The following MAF variants were observed in gnomAD, a reference collection of about 807,000 sequenced individuals.
The protein encoded by MAF is MAF bZIP transcription factor.
A neutral mutation model predicts 22.0 loss-of-function variants in MAF; 10 were observed. The observed-to-expected ratio is 0.45, with a 90% CI of 0.28 to 0.77. The LOEUF (loss-of-function observed/expected upper bound fraction) is 0.77. Ranked by LOEUF, MAF falls within the 30% of genes least tolerant of loss-of-function variation. The pLI is 0.12. For missense variants in MAF, 544 were observed against 548.4 expected (o/e 0.99, Z 0.08); for synonymous variants, 337 against 255.8 (o/e 1.32, Z -3.03).
chr16:79,364,580 G>A, the MAF span, among the ~76,000 whole-genome samples: 1 of 152,190 alleles, frequency 6.6e-6, no homozygotes, highest in South Asian at 2.1e-4. Flanking sequence ...CCCTGACAGA[G>A]CACACTGTTT....
At position 79,599,098 on chromosome 16, in the gene MAF, T is replaced by C. The variant is rs1270529044; in HGVS notation, c.805A>G (p.Met269Val). The change falls in exon 1 of 2, where the codon ATG (methionine) becomes GTG (valine). Residue 269 changes from methionine to valine, a missense_variant. This residue lies in a region of MAF where 342 missense variants were observed against 315.5 expected (regional missense o/e 1.08). Transcript: ENST00000326043. ...TGCCGGTTCAGCTCGCGCACAGACA[T>C]GGTCACCAGCTGCTCGTCGGAGAAG... ...DRFSDEQLVT[M>V]SVRELNRQLR... 3.1e-6 allele frequency: 5 copies of C among 1,606,294 alleles called. No homozygotes were observed. Among genetic ancestry groups the C allele is most frequent in the Non-Finnish European group, 4.2e-6 (5 of 1,179,114 alleles).
chr16:79,303,089 G>T, the MAF span, among the ~76,000 whole-genome samples: 14 of 151,752 alleles, frequency 9.2e-5, no homozygotes, highest in Non-Finnish European at 1.9e-4. Flanking sequence ...CGTGTAATCT[G>T]TGTGTGTGTG....
In MAF at chr16:79,588,104, G is replaced by A. The variant is rs191609191; in HGVS notation, c.1119-2163C>T. Among the ~76,000 whole-genome samples, 17 of 152,316 alleles carry A rather than the reference G, an allele frequency of 1.1e-4. 1 individual carries two copies. The highest frequency in any genetic ancestry group is 2.2e-4 in the Non-Finnish European group (15 of 68,028). On this transcript the variant is annotated intron_variant, in intron 1 of 1. Coordinates refer to the MAF transcript ENST00000569649. Reference sequence around the variant, plus strand: ...TGGATCTGTTTACCTAACAATTGAAGAGTTCTTTAAATAGTACAGGAGCAT... The same window carrying A: ...TGGATCTGTTTACCTAACAATTGAAAAGTTCTTTAAATAGTACAGGAGCAT...
At chr16:79,547,269 G>A in the MAF span, among the ~76,000 whole-genome samples, 3 of 151,000 alleles carry the variant, frequency 2.0e-5, no homozygotes, top group Admixed American at 6.6e-5. Context: ...ACACACTACT[G>A]TATCTACACA....
chr16:79,391,761 A>G, the MAF span, among the ~76,000 whole-genome samples: 1 of 152,144 alleles, frequency 6.6e-6, no homozygotes, highest in Non-Finnish European at 1.5e-5. Context: ...CTAATTGCCA[A>G]AGCGCATCAT....
the MAF span, among the ~76,000 whole-genome samples, chr16:79,453,028 T>C: frequency 6.6e-6 from 1 of 152,214 alleles, no homozygotes; most frequent in African/African-American, 2.4e-5. Context: ...GAGCTAGCTG[T>C]TGACAGATGG....
At chr16:79,567,629 G>A in the MAF span, among the ~76,000 whole-genome samples, 2 of 152,210 alleles carry the variant, frequency 1.3e-5, no homozygotes. Context: ...GGCTTCAGAA[G>A]GTGAAGCATG....
At chr16:79,373,446 G>C in the MAF span, among the ~76,000 whole-genome samples, 2 of 125,250 alleles carry the variant, frequency 1.6e-5, no homozygotes, top group Non-Finnish European at 3.1e-5. Context: ...GCAATGGAGT[G>C]ATCTCAGCTC....
the MAF span, among the ~76,000 whole-genome samples, chr16:79,565,202 G>A: frequency 5.1e-4 from 77 of 152,238 alleles, no homozygotes; most frequent in African/African-American, 1.7e-3. Context: ...CTGCAAGCTG[G>A]GTCTATGGGA....
the MAF span, among the ~76,000 whole-genome samples, chr16:79,273,949 C>T: frequency 3.5e-5 from 3 of 86,460 alleles, no homozygotes; most frequent in Non-Finnish European, 2.2e-5. Flanking sequence ...TCGTGTCTGC[C>T]TTTTTTTTTT....
At chr16:79,256,867 C>G in the MAF span, among the ~76,000 whole-genome samples, 1 of 152,092 alleles carries the variant, frequency 6.6e-6, no homozygotes, top group Non-Finnish European at 1.5e-5. Flanking sequence ...CGCACACAAA[C>G]ACACACACAA....
At chr16:79,277,688 T>C in the MAF span, among the ~76,000 whole-genome samples, 3 of 152,232 alleles carry the variant, frequency 2.0e-5, no homozygotes, top group African/African-American at 7.2e-5. Context: ...CCTTCCTCTC[T>C]ATGTGACCAG....
chr16:79,392,893 T>C, the MAF span, among the ~76,000 whole-genome samples: 16 of 152,344 alleles, frequency 1.1e-4, 1 homozygote, highest in East Asian at 2.5e-3. Context: ...TTTGGGGGTT[T>C]CTCTGCTTCC....
At chr16:79,288,142 G>C in the MAF span, among the ~76,000 whole-genome samples, 1 of 152,132 alleles carries the variant, frequency 6.6e-6, no homozygotes, top group Non-Finnish European at 1.5e-5. Context: ...GTGGACTCCA[G>C]GCTTCTTCAA....
the MAF span, among the ~76,000 whole-genome samples, chr16:79,330,777 C>T: frequency 5.3e-5 from 8 of 152,310 alleles, no homozygotes; most frequent in South Asian, 2.1e-4. Context: ...TTGCCCTCCT[C>T]GGTGTATAAG....
At chr16:79,284,128 C>T in the MAF span, among the ~76,000 whole-genome samples, 23 of 152,200 alleles carry the variant, frequency 1.5e-4, no homozygotes, top group African/African-American at 5.3e-4. Flanking sequence ...TATTAAGTGG[C>T]GATTTAGCAG....
the MAF span, among the ~76,000 whole-genome samples, chr16:79,398,037 A>G: frequency 6.6e-6 from 1 of 152,190 alleles, no homozygotes. Flanking sequence ...CTAGGCTAAT[A>G]TTAAGGTGGT....
At chr16:79,313,316 C>A in the MAF span, among the ~76,000 whole-genome samples, 1 of 152,042 alleles carries the variant, frequency 6.6e-6, no homozygotes, top group Non-Finnish European at 1.5e-5. Context: ...TCCTGAAGAA[C>A]GGCACACAGG....
chr16:79,231,400 A>G, the MAF span, among the ~76,000 whole-genome samples: 1 of 152,116 alleles, frequency 6.6e-6, no homozygotes, highest in Non-Finnish European at 1.5e-5. Flanking sequence ...AGGCCTATCA[A>G]GGATGTAGTC....
Sources: allele counts gnomAD v4.1 joint callset (sites outside exome capture counted in the v4.1 genomes callset), GRCh38; gene constraint gnomAD v4.1.1; regional missense constraint gnomAD v4.1.1; transcripts MANE v1.5; gene names NCBI Gene and HGNC (gene_info 2026-07-23, HGNC 2026-07-21).